RGS7: variants seen among roughly 807,000 people sequenced by gnomAD.
RGS7 encodes regulator of G-protein signaling 7.
Under a neutral mutation model 81.1 loss-of-function variants are expected in RGS7, and 27 were observed. The observed-to-expected ratio is 0.33, with a 90% confidence interval of 0.25 to 0.46. The LOEUF (loss-of-function observed/expected upper bound fraction) is 0.46, where lower values mean the gene tolerates loss of function less well. Among genes scored for constraint, RGS7 ranks in the 20% least tolerant of loss-of-function variants. The pLI is 1.00. For synonymous variants in RGS7, 208 were observed against 207.7 expected, an observed-to-expected ratio of 1.00 and a Z score of -0.01; for missense variants, 396 against 607.4, an observed-to-expected ratio of 0.65 and a Z score of 3.66.
chr1:240,862,475 A>G (rs1572468555), intron 9 of RGS7, among the ~76,000 whole-genome samples: 1 of 152,188 alleles, frequency 6.6e-6, no homozygotes, highest in Non-Finnish European at 1.5e-5. Flanking sequence ...GTCAAATCGG[A>G]TCAAATAAAA....
intron 2 of RGS7, among the ~76,000 whole-genome samples, chr1:241,104,169 GCCA>G (rs2064955419): frequency 6.6e-6 from 1 of 152,120 alleles, no homozygotes. Flanking sequence ...TTACTATGAT[GCCA>G]CCACCAACAC....
At chr1:240,794,102 GT>G (rs1392277649) in intron 18 of RGS7, among the ~76,000 whole-genome samples, 1 of 152,044 alleles carries the variant, frequency 6.6e-6, no homozygotes, top group Non-Finnish European at 1.5e-5. Flanking sequence ...TATGATGAGT[GT>G]TTTGTGAAGC....
intron 2 of RGS7, among the ~76,000 whole-genome samples, chr1:241,347,125 G>C (rs2082942546): frequency 6.6e-6 from 1 of 152,130 alleles, no homozygotes; most frequent in Admixed American, 6.5e-5. Context: ...GGACAATGAA[G>C]GTCATGTAGA....
In RGS7 at chr1:241,164,574, T is replaced by C. The variant is rs1030520435; in HGVS notation, c.79-65812A>G. 2.0e-5 allele frequency among the ~76,000 whole-genome samples: 3 copies of C among 152,266 alleles called. No individual in the cohort carries two copies. Among genetic ancestry groups the C allele is most frequent in the African/African-American group, 7.2e-5 (3 of 41,548 alleles). On this transcript the variant is annotated intron_variant, in intron 2 of 18. Coordinates refer to ENST00000440928, the MANE Select transcript of RGS7 (RefSeq NM_001364886.1). This position sits in a 1 kb window ranked among gnomAD's most constrained non-coding sequence, Gnocchi z 4.1. Reference sequence around the variant, plus strand: ...CAAAGACCAAATATATATTCTACAATATCACAGGAGTCCTTGACCAAACTA... The same window carrying C: ...CAAAGACCAAATATATATTCTACAACATCACAGGAGTCCTTGACCAAACTA...
At chr1:241,206,576 T>G (rs990511424) in intron 2 of RGS7, among the ~76,000 whole-genome samples, 1 of 152,194 alleles carries the variant, frequency 6.6e-6, no homozygotes, top group South Asian at 2.1e-4. Flanking sequence ...AATTAGGAAC[T>G]TCTTACTTTG....
In RGS7 at chr1:241,071,874, CAA is replaced by C. The variant is rs58217460; in HGVS notation, c.175+26790_175+26791del. Among the ~76,000 whole-genome samples, 281 of 56,836 alleles carry C rather than the reference CAA, an allele frequency of 4.9e-3. 2 individuals are homozygous for C. The highest frequency in any genetic ancestry group is 0.011 in the East Asian group (12 of 1,130). 37.3% of individuals were successfully genotyped at this position (56,836 alleles called of 152,430 possible). A position where few individuals can be genotyped will look rare whatever the true frequency, so the allele number is the denominator to read the frequency against. On this transcript the variant is annotated intron_variant, in intron 3 of 18. Transcript: ENST00000440928. ...GACAGATGACAGAGTGAGACCCTGT[CAA>C]AAAAAAAAAAAAAAAAAAACAAGAA...
intron 2 of RGS7, among the ~76,000 whole-genome samples, chr1:241,309,948 T>G (rs1218476247): frequency 1.3e-5 from 2 of 152,222 alleles, no homozygotes; most frequent in African/African-American, 4.8e-5. Flanking sequence ...AGAATCAATG[T>G]GTCAAACTGG....
intron 9 of RGS7, among the ~76,000 whole-genome samples, chr1:240,847,576 T>G (rs1659322032): frequency 6.6e-6 from 1 of 152,226 alleles, no homozygotes; most frequent in South Asian, 2.1e-4. Context: ...AGAATTTTTA[T>G]GTAATCCATC....
At chr1:241,142,287 C>T (rs1278928218) in intron 2 of RGS7, among the ~76,000 whole-genome samples, 1 of 152,206 alleles carries the variant, frequency 6.6e-6, no homozygotes, top group African/African-American at 2.4e-5. Context: ...TCTCAAAGCT[C>T]CACTAGGCAA....
intron 3 of RGS7, among the ~76,000 whole-genome samples, chr1:241,020,701 G>T (rs1206335992): frequency 6.6e-6 from 1 of 151,060 alleles, no homozygotes; most frequent in Non-Finnish European, 1.5e-5. Flanking sequence ...CAAACTATCA[G>T]TTTGGCCAAA....
At chr1:241,006,933 T>C (rs2058712061) in intron 3 of RGS7, among the ~76,000 whole-genome samples, 1 of 152,166 alleles carries the variant, frequency 6.6e-6, no homozygotes, top group African/African-American at 2.4e-5. Context: ...CTTATTATTT[T>C]TGAGATGGAG....
At chr1:241,003,818 G>A (rs945145529) in intron 3 of RGS7, among the ~76,000 whole-genome samples, 5 of 152,020 alleles carry the variant, frequency 3.3e-5, no homozygotes, top group African/African-American at 1.2e-4. Flanking sequence ...GCACAATCTC[G>A]GCTCACTGCA....
rs370562497 is a variant in RGS7 at position 241,030,361 on chromosome 1, C to CATAT, written c.176-47236_176-47233dup. The stretch of plus-strand genomic sequence containing the variant: ...GCTTTGTTTTTTCCAGAACTTATAG[C>CATAT]ATATATATATATACATACACACATA... On this transcript the variant is annotated intron_variant, in intron 3 of 18. Coordinates refer to ENST00000440928, the MANE Select transcript of RGS7 (RefSeq NM_001364886.1). 7.8e-5 allele frequency among the ~76,000 whole-genome samples: 8 copies of CATAT among 102,152 alleles called. 1 individual carries two copies. Among genetic ancestry groups the CATAT allele is most frequent in the South Asian group, 3.0e-4 (1 of 3,280 alleles). 67.0% of individuals were successfully genotyped at this position (102,152 alleles called of 152,430 possible). A position where few individuals can be genotyped will look rare whatever the true frequency, so the allele number is the denominator to read the frequency against.
chr1:240,870,018 CTA>C, intron 7 of RGS7, 35 bp downstream of exon 7: 2 of 1,562,966 alleles, frequency 1.3e-6, no homozygotes, highest in South Asian at 1.1e-5. Flanking sequence ...GCTGTGCATT[CTA>C]TGACTATCTT....
At chr1:240,995,277 G>GGT (rs1687095135) in intron 3 of RGS7, among the ~76,000 whole-genome samples, 1 of 152,052 alleles carries the variant, frequency 6.6e-6, no homozygotes, top group South Asian at 2.1e-4. Context: ...TCTTAATGAA[G>GGT]GATACTGGTT....
chr1:240,983,766 A>G (rs774115584), intron 3 of RGS7, among the ~76,000 whole-genome samples: 32 of 152,202 alleles, frequency 2.1e-4, no homozygotes, highest in Non-Finnish European at 3.8e-4. Context: ...CGTGTTGATC[A>G]CACACCATTG....
At chr1:240,861,947 A>T (rs1470795932) in intron 9 of RGS7, among the ~76,000 whole-genome samples, 5 of 152,160 alleles carry the variant, frequency 3.3e-5, no homozygotes, top group Admixed American at 1.3e-4. Flanking sequence ...CTACTAACGC[A>T]TTATTCTTTG....
intron 3 of RGS7, among the ~76,000 whole-genome samples, chr1:241,090,553 T>C (rs1381494339): frequency 6.6e-6 from 1 of 152,158 alleles, no homozygotes; most frequent in Admixed American, 6.5e-5. Flanking sequence ...ACGGATGGCA[T>C]TGCCTTGAGA....
chr1:240,957,122 C>G (rs976376840), intron 4 of RGS7, among the ~76,000 whole-genome samples: 7 of 152,150 alleles, frequency 4.6e-5, no homozygotes, highest in African/African-American at 1.4e-4. Context: ...AGACCACCCT[C>G]AATCTGGGTG....
Sources: allele counts gnomAD v4.1 joint callset (sites outside exome capture counted in the v4.1 genomes callset), GRCh38; gene constraint gnomAD v4.1.1; non-coding constraint Gnocchi (gnomAD v3.1); transcripts MANE v1.5; gene names NCBI Gene and HGNC (gene_info 2026-07-23, HGNC 2026-07-21).